The following LYST variants were observed in gnomAD, a reference collection of about 807,000 sequenced individuals.
LYST encodes the protein lysosomal-trafficking regulator.
Under a neutral mutation model 413.6 loss-of-function variants are expected in LYST, and 192 were observed. That is an observed-to-expected ratio of 0.46 (90% CI 0.41 to 0.52). The LOEUF (loss-of-function observed/expected upper bound fraction) is 0.52, where lower values mean the gene tolerates loss of function less well. LYST is among the 20% of genes least tolerant of loss of function. LYST has a pLI of 0.00. For synonymous variants in LYST, 1,525 were observed against 1,567.3 expected, an observed-to-expected ratio of 0.97 and a Z score of 0.64; for missense variants, 3,815 against 4,499.9, an observed-to-expected ratio of 0.85 and a Z score of 4.35.
chr1:235,862,809 AC>A (rs1412968551), intron 1 of LYST, among the ~76,000 whole-genome samples: 9 of 33,812 alleles, frequency 2.7e-4, no homozygotes, highest in East Asian at 3.9e-3. Context: ...ACAAACAAAC[AC>A]ACACACACAC....
rs188374983 is a variant in LYST, at chr1:235,707,823, C to A, written c.10143+1268G>T. The stretch of plus-strand genomic sequence containing the variant: ...TACTTAAGAATATAGGTTGAGTATC[C>A]CTTATACAAACATTTGGAACCAGAA... On this transcript the variant is annotated intron_variant, in intron 44 of 52. Coordinates refer to ENST00000389793, the MANE Select transcript of LYST (RefSeq NM_000081.4). Among the ~76,000 whole-genome samples the A allele has an allele frequency of 5.3e-5, 8 of 151,958 alleles. No individual in the cohort carries two copies. In the East Asian group the frequency reaches 1.2e-3, roughly 22 times the overall value.
chr1:235,787,636 T>C (rs1217384165), intron 13 of LYST, among the ~76,000 whole-genome samples: 4 of 152,064 alleles, frequency 2.6e-5, no homozygotes, highest in African/African-American at 4.8e-5. Flanking sequence ...AGAATTCAGT[T>C]TGTAAAAAAA....
intron 10 of LYST, among the ~76,000 whole-genome samples, chr1:235,799,224 A>C (rs1315631693): frequency 6.6e-6 from 1 of 152,252 alleles, no homozygotes; most frequent in Non-Finnish European, 1.5e-5. Context: ...ACTATTTGGC[A>C]GATACCACAG....
intron 44 of LYST, 36 bp downstream of exon 44, chr1:235,709,055 T>C (rs181504476): frequency 6.4e-7 from 1 of 1,565,322 alleles, no homozygotes; most frequent in Non-Finnish European, 8.8e-7. Flanking sequence ...GGTTCTATCT[T>C]ATATAAATAC....
At chr1:235,748,251 A>G (rs1666115318) in intron 28 of LYST, among the ~76,000 whole-genome samples, 1 of 152,210 alleles carries the variant, frequency 6.6e-6, no homozygotes. Flanking sequence ...CATTCTAAAT[A>G]ATATCCTAAT....
upstream of LYST, among the ~76,000 whole-genome samples, chr1:235,871,538 T>A (rs957142883): frequency 1.3e-5 from 2 of 152,240 alleles, no homozygotes; most frequent in African/African-American, 4.8e-5. Flanking sequence ...ATATACTCAT[T>A]AATTCTTGCT....
At chr1:235,863,878 G>A (rs1228101208) in intron 1 of LYST, among the ~76,000 whole-genome samples, 1 of 152,128 alleles carries the variant, frequency 6.6e-6, no homozygotes, top group Non-Finnish European at 1.5e-5. Flanking sequence ...TTTTCTGTGA[G>A]GCCCATCTGT....
Position 235,809,470 on chromosome 1 carries a change from G to A in LYST, c.1348C>T (p.Leu450Phe), listed in dbSNP as rs1287774114. 1 of 1,613,960 alleles carries A rather than the reference G, an allele frequency of 6.2e-7. No homozygotes were observed. Among genetic ancestry groups the A allele is most frequent in the Non-Finnish European group, 8.5e-7 (1 of 1,179,936 alleles). ...HGFNLFETAVLQMEWLVLRDG... is the reference protein window; with the variant it reads ...HGFNLFETAVFQMEWLVLRDG... ...CTTAAAACCAGCCATTCCATTTGAA[G>A]AACTGCTGTTTCAAATAAATTAAAT... The change falls in exon 5 of 53, where the codon CTT (leucine) becomes TTT (phenylalanine). Residue 450 changes from leucine to phenylalanine, a missense_variant. Leu to Phe is a conservative substitution (Grantham distance 22). Coordinates refer to ENST00000389793, the MANE Select transcript of LYST (RefSeq NM_000081.4). This position sits in a 1 kb window ranked among gnomAD's most constrained non-coding sequence, Gnocchi z 4.0.
chr1:235,759,266 C>G lies in LYST; in HGVS notation c.6587G>C (p.Gly2196Ala). The change falls in exon 23 of 53, where the codon GGA becomes GCA. Residue 2196 changes from glycine (G) to alanine (A), a missense_variant. Physicochemically the swap from Gly to Ala is moderately conservative, Grantham distance 60. Around this residue, in one of 4 missense-constraint regions of LYST, gnomAD observed 771 missense variants for 837.1 expected, o/e 0.92. Coordinates refer to ENST00000389793, the MANE Select transcript of LYST (RefSeq NM_000081.4). ...ATGATCTGCTTTGACCACTGGAAAT[C>G]CCAGCACTCCCTTTGGGACATCACT... ...SVSDVPKGVL[G>A]FPVVKADHKQ... 1 of 1,614,166 alleles carries G rather than the reference C, an allele frequency of 6.2e-7. No individual in the cohort carries two copies. Among genetic ancestry groups the G allele is most frequent in the Admixed American group, 1.7e-5 (1 of 60,004 alleles).
chr1:235,693,190 G>A (rs534127359), intron 47 of LYST, among the ~76,000 whole-genome samples, 160 bp downstream of exon 47: 2 of 150,110 alleles, frequency 1.3e-5, no homozygotes, highest in Non-Finnish European at 3.0e-5. Flanking sequence ...GGTGGCAGGT[G>A]CCTGTAGTCC....
chr1:235,800,229 C>T, intron 10 of LYST, 91 bp downstream of exon 10: 1 of 865,044 alleles, frequency 1.2e-6, no homozygotes, highest in South Asian at 1.3e-5. Context: ...AGATCACAGG[C>T]ATGAGCCACC....
intron 1 of LYST, among the ~76,000 whole-genome samples, chr1:235,876,486 G>A (rs1050148376): frequency 1.3e-5 from 2 of 152,204 alleles, no homozygotes; most frequent in Non-Finnish European, 2.9e-5. Context: ...TTGGATAAAC[G>A]AGGAAGCTGA....
At chr1:235,736,281 T>C (rs1051967363) in intron 31 of LYST, 5 of 152,124 alleles carry the variant, frequency 3.3e-5, no homozygotes, top group East Asian at 1.9e-4. Flanking sequence ...AATAAAGTGC[T>C]AAAATATGTA....
intron 1 of LYST, among the ~76,000 whole-genome samples, chr1:235,851,999 T>C (rs1203902592): frequency 2.0e-5 from 3 of 152,236 alleles, no homozygotes; most frequent in Non-Finnish European, 2.9e-5. Context: ...ATTGAATCTA[T>C]TAACTTTAAA....
intron 46 of LYST, 63 bp downstream of exon 46, chr1:235,697,020 C>A (rs1661161860): frequency 1.3e-6 from 2 of 1,507,266 alleles, no homozygotes; most frequent in Admixed American, 1.7e-5. Flanking sequence ...CACAGATGAG[C>A]TAGAAATACT....
In LYST at chr1:235,806,722, TC is replaced by T. The variant is rs80338647; in HGVS notation, c.2413del (p.Glu805AsnfsTer2). The T allele has an allele frequency of 6.2e-7, 1 of 1,613,412 alleles. No individual in the cohort carries two copies. Among genetic ancestry groups the T allele is most frequent in the Non-Finnish European group, 8.5e-7 (1 of 1,179,380 alleles). On this transcript the variant is annotated frameshift_variant, in exon 6 of 53. Transcript: ENST00000389793. LOFTEE classifies it high-confidence loss of function. ...LSCNGVSQII[E>X]LNCLNGIRSH... ...TCGAATACCATTTAAGCAATTTAAT[TC>T]GATTATTTGACTTACTCCATTACAA... is the stretch of plus-strand genomic sequence containing the variant.
intron 6 of LYST, 40 bp from the exon 7 acceptor site, chr1:235,804,705 T>C (rs1672622445): frequency 8.3e-7 from 1 of 1,208,108 alleles, no homozygotes; most frequent in South Asian, 1.3e-5. Context: ...TTAATAACCA[T>C]TTTAAAAAAC....
At chr1:235,693,988 G>T (rs1336040838) in intron 46 of LYST, among the ~76,000 whole-genome samples, 1 of 150,588 alleles carries the variant, frequency 6.6e-6, no homozygotes, top group Non-Finnish European at 1.5e-5. Flanking sequence ...AATTCAAGGA[G>T]GCTCTGTTCT....
Position 235,770,174 on chromosome 1 carries a change from A to C in LYST, c.5908T>G (p.Cys1970Gly), listed in dbSNP as rs773899407. 53 of 1,613,394 alleles carry C rather than the reference A, an allele frequency of 3.3e-5. No individual in the cohort carries two copies. Reference protein sequence around the residue: ...AQVVHHFLLTCQVLQEYKEGQ... With the variant: ...AQVVHHFLLTGQVLQEYKEGQ... ...ATGAAAAGTACCTGCAAAACCTGAC[A>C]AGTCAGTAGAAAGTGATGAACCACT... Residue 1970 changes from cysteine to glycine, a missense_variant, in exon 20 of 53, where the codon TGT becomes GGT. Coordinates refer to ENST00000389793, the MANE Select transcript of LYST (RefSeq NM_000081.4).
Sources: gnomAD v4.1 joint callset for allele counts (sites outside exome capture counted in the v4.1 genomes callset) on GRCh38, gnomAD v4.1.1 for gene constraint, gnomAD v4.1.1 regional missense constraint, Gnocchi (gnomAD v3.1) non-coding constraint, MANE v1.5 for transcripts, NCBI Gene and HGNC (gene_info 2026-07-23, HGNC 2026-07-21) for gene names.